The following PRKCH variants were observed in gnomAD, a reference collection of about 807,000 sequenced individuals.
The protein encoded by PRKCH is protein kinase C eta type.
In PRKCH, 28 loss-of-function variants were observed where a neutral mutation model predicts 82.5. The ratio of observed to expected loss-of-function variants is 0.34; its 90% confidence interval spans 0.25 to 0.47. PRKCH has a LOEUF of 0.47. PRKCH is among the 20% of genes least tolerant of loss of function. PRKCH has a pLI of 1.00. For missense variants in PRKCH, 705 were observed against 881.8 expected (o/e 0.80, Z 2.54); for synonymous variants, 322 against 327.4 (o/e 0.98, Z 0.18).
intron 1 of PRKCH, among the ~76,000 whole-genome samples, chr14:61,374,034 A>T (rs866810678): frequency 2.0e-5 from 3 of 152,162 alleles, no homozygotes; most frequent in African/African-American, 7.2e-5. Flanking sequence ...CTAAGATGCA[A>T]TGGGGGTACA....
chr14:61,405,943 A>G (rs1224998458), intron 2 of PRKCH, among the ~76,000 whole-genome samples: 1 of 152,214 alleles, frequency 6.6e-6, no homozygotes, highest in African/African-American at 2.4e-5. Context: ...AGGACCTTCA[A>G]AAAATATGAA....
At chr14:61,466,282 TG>T (rs1885251837) in intron 9 of PRKCH, among the ~76,000 whole-genome samples, 1 of 152,228 alleles carries the variant, frequency 6.6e-6, no homozygotes, top group Non-Finnish European at 1.5e-5. Context: ...ACCAGACCCC[TG>T]GTCTCTCAGA....
At chr14:61,399,126 G>C (rs1470135828) in intron 2 of PRKCH, among the ~76,000 whole-genome samples, 1 of 152,194 alleles carries the variant, frequency 6.6e-6, no homozygotes, top group African/African-American at 2.4e-5. Flanking sequence ...GCAGAGGTGG[G>C]CAGAGGAGAT....
chr14:61,379,757 A>G (rs1039998639), intron 1 of PRKCH, among the ~76,000 whole-genome samples: 1 of 152,172 alleles, frequency 6.6e-6, no homozygotes, highest in Non-Finnish European at 1.5e-5. Flanking sequence ...TGCAGGGAGT[A>G]TATTCCCCAT....
intron 1 of PRKCH, among the ~76,000 whole-genome samples, chr14:61,254,700 G>T (rs1439098300): frequency 6.6e-6 from 1 of 152,220 alleles, no homozygotes; most frequent in Non-Finnish European, 1.5e-5. Flanking sequence ...TGAGAGGAAA[G>T]TTGTTGGTAG....
intron 1 of PRKCH, among the ~76,000 whole-genome samples, chr14:61,270,320 A>G (rs951916314): frequency 1.3e-5 from 2 of 152,132 alleles, no homozygotes; most frequent in Non-Finnish European, 2.9e-5. Context: ...ATTTTTTAAA[A>G]AGAAAAAAGA....
intron 6 of PRKCH, among the ~76,000 whole-genome samples, chr14:61,452,447 A>G (rs1884554834): frequency 6.6e-6 from 1 of 152,104 alleles, no homozygotes; most frequent in African/African-American, 2.4e-5. Flanking sequence ...ACCTCCCATC[A>G]GCAGGGCCCA....
intron 1 of PRKCH, among the ~76,000 whole-genome samples, chr14:61,375,181 A>G (rs2046413577): frequency 6.6e-6 from 1 of 152,080 alleles, no homozygotes; most frequent in Admixed American, 6.5e-5. Context: ...TTGCTAAAAC[A>G]TAGGAAGAGT....
intron 1 of PRKCH, among the ~76,000 whole-genome samples, chr14:61,378,000 C>G (rs1210871722): frequency 1.3e-5 from 2 of 152,198 alleles, no homozygotes; most frequent in African/African-American, 4.8e-5. Context: ...CCAGCCTTCT[C>G]TCTTACTCCT....
At chr14:61,527,669 C>T (rs1429586441) in intron 10 of PRKCH, among the ~76,000 whole-genome samples, 1 of 152,104 alleles carries the variant, frequency 6.6e-6, no homozygotes, top group Admixed American at 6.6e-5. Flanking sequence ...AATCAAAATT[C>T]CTTCGTGTGA....
chr14:61,496,894 A>AC (rs1886690338), intron 10 of PRKCH, among the ~76,000 whole-genome samples: 2 of 151,652 alleles, frequency 1.3e-5, no homozygotes, highest in African/African-American at 4.9e-5. Context: ...ACTCCTCATG[A>AC]CAGCGCTATG....
At chr14:61,532,081 G>A (rs79415914) in intron 12 of PRKCH, among the ~76,000 whole-genome samples, 1,538 of 152,258 alleles carry the variant, frequency 0.01, 11 homozygotes, top group Middle Eastern at 0.017. Context: ...CTGGCTTTTT[G>A]TAAAAAAGCA....
chr14:61,364,633 G>A (rs1207172443), intron 1 of PRKCH, among the ~76,000 whole-genome samples: 2 of 151,810 alleles, frequency 1.3e-5, no homozygotes, highest in South Asian at 2.1e-4. Flanking sequence ...TCAGGAGTTC[G>A]AGAGACCAGC....
intron 1 of PRKCH, chr14:61,298,628 T>C (rs1190913503): frequency 6.6e-6 from 1 of 152,252 alleles, no homozygotes; most frequent in Non-Finnish European, 1.5e-5. Flanking sequence ...ATTATTTTAA[T>C]TGAGGATACT....
chr14:61,277,602 T>C (rs1178184425), intron 1 of PRKCH: 2 of 152,378 alleles, frequency 1.3e-5, no homozygotes, highest in Admixed American at 1.3e-4. Flanking sequence ...TTTTAAAGTT[T>C]CTGCTGCTTT....
chr14:61,438,056 T>C (rs1883762217), intron 2 of PRKCH, among the ~76,000 whole-genome samples: 1 of 152,204 alleles, frequency 6.6e-6, no homozygotes, highest in Non-Finnish European at 1.5e-5. Flanking sequence ...TATTAACTTA[T>C]CAAGTCCTCA....
Position 61,449,177 on chromosome 14 carries a change from C to T in PRKCH, c.627C>T (p.Val209=), listed in dbSNP as rs760075167. 7 of 1,613,778 alleles carry T rather than the reference C, an allele frequency of 4.3e-6. No homozygotes were observed. Among genetic ancestry groups the T allele is most frequent in the Non-Finnish European group, 5.9e-6 (7 of 1,179,730 alleles). The change falls in exon 5 of 14, where the codon GTC becomes GTT. Residue 209 remains valine, a synonymous_variant. Transcript: ENST00000332981. ...TTAATTTCCTAGTGTGCACCTGTGT[C>T]GTCCATAAACGCTGCCATCATCTAA... ...QGYQCQVCTC[V]VHKRCHHLIV... is the part of the protein sequence containing the mutation.
At chr14:61,335,290 GT>G (rs2045842443) in intron 1 of PRKCH, among the ~76,000 whole-genome samples, 1 of 152,012 alleles carries the variant, frequency 6.6e-6, no homozygotes. Flanking sequence ...TCAGTAACAT[GT>G]TTTCTAAAGA....
At chr14:61,188,901 G>T (rs535147694) in intron 1 of PRKCH, among the ~76,000 whole-genome samples, 26 of 152,122 alleles carry the variant, frequency 1.7e-4, no homozygotes, top group African/African-American at 6.0e-4. Flanking sequence ...TGTATTTTTA[G>T]TGGGGACGGG....
Sources: allele counts gnomAD v4.1 joint callset (sites outside exome capture counted in the v4.1 genomes callset), GRCh38; gene constraint gnomAD v4.1.1; transcripts MANE v1.5; gene names NCBI Gene and HGNC (gene_info 2026-07-23, HGNC 2026-07-21).